Variants in MYT1L observed in about 807,000 individuals in gnomAD.
MYT1L encodes the protein myelin transcription factor 1-like protein.
Under a neutral mutation model 126.7 loss-of-function variants are expected in MYT1L, and 12 were observed. The ratio of observed to expected loss-of-function variants is 0.09; its 90% CI spans 0.06 to 0.15. MYT1L has a LOEUF of 0.15. Among genes scored for constraint, MYT1L ranks in the 10% least tolerant of loss-of-function variants. The pLI, the probability that MYT1L is intolerant of heterozygous loss-of-function variation, is 1.00. For missense variants in MYT1L, 979 were observed against 1,585.2 expected (o/e 0.62, Z 6.49); for synonymous variants, 541 against 604.2 (o/e 0.90, Z 1.53).
At chr2:1,923,748 G>T (rs766472826) in intron 9 of MYT1L, among the ~76,000 whole-genome samples, 14 of 152,216 alleles carry the variant, frequency 9.2e-5, no homozygotes, top group Admixed American at 2.0e-4. Context: ...ACAGTGGCGT[G>T]TAGGCAACAC....
At chr2:1,815,967 C>T (rs1300655055) in intron 21 of MYT1L, among the ~76,000 whole-genome samples, 3 of 152,196 alleles carry the variant, frequency 2.0e-5, no homozygotes, top group East Asian at 3.9e-4. Context: ...CAATGGAACG[C>T]CCCATGGCAC....
chr2:2,199,810 T>A (rs1306200749), intron 2 of MYT1L, among the ~76,000 whole-genome samples: 2 of 152,158 alleles, frequency 1.3e-5, no homozygotes, highest in East Asian at 1.9e-4. Flanking sequence ...TGCCCAGTCC[T>A]CATGCAGACA....
In MYT1L at chr2:2,279,860, A is replaced by G. The variant is rs73914914; in HGVS notation, c.-421+4544T>C. Among the ~76,000 whole-genome samples the G allele has an allele frequency of 5.5e-3, 841 of 152,338 alleles. 5 individuals are homozygous for G. Among genetic ancestry groups the G allele is most frequent in the African/African-American group, 0.018 (763 of 41,578 alleles). ...CTAATCAAAGAATGTAAACTAGGAA[A>G]GGTAGGAAGCTGTTGTTAGCAGACA... On this transcript the variant is annotated intron_variant, in intron 2 of 24. Coordinates refer to ENST00000647738, the MANE Select transcript of MYT1L (RefSeq NM_001303052.2).
At chr2:2,078,852 T>G (rs1452196791) in intron 3 of MYT1L, among the ~76,000 whole-genome samples, 1 of 152,348 alleles carries the variant, frequency 6.6e-6, no homozygotes, top group African/African-American at 2.4e-5. Context: ...TGCATATGAA[T>G]TCTATGATTT....
At chr2:2,087,732 G>T (rs2150361089) in intron 3 of MYT1L, among the ~76,000 whole-genome samples, 2 of 152,292 alleles carry the variant, frequency 1.3e-5, no homozygotes, top group Middle Eastern at 3.4e-3. Flanking sequence ...ATTGACAAGG[G>T]ACTAACCCAG....
At chr2:2,232,511 G>A (rs965698182) in intron 2 of MYT1L, among the ~76,000 whole-genome samples, 7 of 152,162 alleles carry the variant, frequency 4.6e-5, no homozygotes, top group Non-Finnish European at 8.8e-5. Context: ...CTGTAGCATG[G>A]GTATGACAAT....
At chr2:2,295,422 C>A (rs2095656193) in intron 1 of MYT1L, among the ~76,000 whole-genome samples, 1 of 152,056 alleles carries the variant, frequency 6.6e-6, no homozygotes, top group Non-Finnish European at 1.5e-5. Context: ...TGCCACCCAG[C>A]TGTGGCAAGA....
chr2:2,326,190 C>G (rs2096244290), intron 1 of MYT1L: 1 of 152,538 alleles, frequency 6.6e-6, no homozygotes, highest in African/African-American at 2.4e-5. Context: ...CCCTCTGGCG[C>G]CCGCACTCCA....
At chr2:2,113,974 A>G (rs544301094) in intron 3 of MYT1L, among the ~76,000 whole-genome samples, 10 of 152,094 alleles carry the variant, frequency 6.6e-5, no homozygotes, top group African/African-American at 2.4e-4. Context: ...TGAAAACATT[A>G]CTGCCTCCAT....
chr2:1,956,225 C>CTA (rs1437426575), intron 8 of MYT1L, among the ~76,000 whole-genome samples: 1 of 133,238 alleles, frequency 7.5e-6, no homozygotes, highest in Non-Finnish European at 1.5e-5. Context: ...ATCTATCTAT[C>CTA]TGTCTATCAT....
chr2:2,180,554 G>C (rs979961169), intron 2 of MYT1L, among the ~76,000 whole-genome samples: 4 of 151,736 alleles, frequency 2.6e-5, no homozygotes, highest in African/African-American at 7.3e-5. Context: ...ATCTGTACCT[G>C]TGTGGGCCCG....
At chr2:2,045,034 A>G (rs2068009559) in intron 4 of MYT1L, among the ~76,000 whole-genome samples, 1 of 152,362 alleles carries the variant, frequency 6.6e-6, no homozygotes, top group East Asian at 1.9e-4. Flanking sequence ...TTCCATGTAA[A>G]TGAGGAGCAA....
chr2:1,917,280 C>T lies in MYT1L; in HGVS notation c.1543G>A (p.Gly515Ser). 6.2e-7 allele frequency: 1 copy of T among 1,613,346 alleles called. No individual in the cohort carries two copies. Among genetic ancestry groups the T allele is most frequent in the Non-Finnish European group, 8.5e-7 (1 of 1,179,402 alleles). The change falls in exon 11 of 25, where the codon GGC (glycine) becomes AGC (serine). Residue 515 changes from glycine (G) to serine (S), a missense_variant. Coordinates refer to ENST00000647738, the MANE Select transcript of MYT1L (RefSeq NM_001303052.2). The surrounding 1 kb of genome is among the most constrained non-coding windows in gnomAD (Gnocchi z 5.9). ...KCPTPGCDGT[G>S]HVTGLYPHHR... ...TGTGGGTACAGCCCAGTTACGTGGC[C>T]GGTTCCATCACACCCGGGGGTTGGA...
At chr2:1,953,036 T>G (rs567061982) in intron 8 of MYT1L, among the ~76,000 whole-genome samples, 5 of 147,424 alleles carry the variant, frequency 3.4e-5, no homozygotes, top group Admixed American at 2.0e-4. Flanking sequence ...TCTTTCCTCT[T>G]TCCTTCCACC....
At chr2:2,196,898 A>G (rs988964510) in intron 2 of MYT1L, among the ~76,000 whole-genome samples, 1 of 152,152 alleles carries the variant, frequency 6.6e-6, no homozygotes, top group Non-Finnish European at 1.5e-5. Flanking sequence ...GACCATCAAT[A>G]GTCAAAGATT....
In MYT1L at chr2:1,811,386, T is replaced by C. The variant is rs1344055277; in HGVS notation, c.3081-2219A>G. The C allele has an allele frequency of 1.3e-5, 2 of 152,362 alleles. No homozygotes were observed. The highest frequency in any genetic ancestry group is 2.9e-5 in the Non-Finnish European group (2 of 68,358). The allele number at this position is 152,362 out of a possible 1,614,324, so 9.4% of individuals were successfully genotyped here. On this transcript the variant is annotated intron_variant, in intron 21 of 24. Coordinates refer to ENST00000647738, the MANE Select transcript of MYT1L (RefSeq NM_001303052.2). This position sits in a 1 kb window ranked among gnomAD's most constrained non-coding sequence, Gnocchi z 4.4. ...AGCTCCAGCATCATCAGCTCTGGCGTCATCAGCTCTGGCGTCATCAGCTCC... is the reference window on the plus strand; with the variant it reads ...AGCTCCAGCATCATCAGCTCTGGCGCCATCAGCTCTGGCGTCATCAGCTCC...
intron 3 of MYT1L, among the ~76,000 whole-genome samples, chr2:2,172,508 C>T (rs1020471440): frequency 6.6e-6 from 1 of 152,220 alleles, no homozygotes; most frequent in African/African-American, 2.4e-5. Context: ...AACTGCCTCC[C>T]GGAAGCCATG....
intron 2 of MYT1L, among the ~76,000 whole-genome samples, chr2:2,191,293 C>T (rs923012535): frequency 2.6e-5 from 4 of 152,102 alleles, no homozygotes; most frequent in African/African-American, 7.2e-5. Flanking sequence ...AGAGCCAGGT[C>T]GCAGGAGAGG....
At chr2:2,133,848 C>T (rs1020639824) in intron 3 of MYT1L, among the ~76,000 whole-genome samples, 24 of 152,096 alleles carry the variant, frequency 1.6e-4, no homozygotes, top group African/African-American at 5.6e-4. Context: ...TAGGGACACA[C>T]CACATGCCCT....
Sources: gnomAD v4.1 joint callset for allele counts (sites outside exome capture counted in the v4.1 genomes callset) on GRCh38, gnomAD v4.1.1 for gene constraint, Gnocchi (gnomAD v3.1) non-coding constraint, MANE v1.5 for transcripts, NCBI Gene and HGNC (gene_info 2026-07-23, HGNC 2026-07-21) for gene names.